The following SORCS3 variants were observed in gnomAD, a reference collection of about 807,000 sequenced individuals.
The protein encoded by SORCS3 is sortilin related VPS10 domain containing receptor 3.
Under a neutral mutation model 146.3 loss-of-function variants are expected in SORCS3, and 57 were observed. The ratio of observed to expected loss-of-function variants is 0.39; its 90% confidence interval spans 0.31 to 0.49. The LOEUF (loss-of-function observed/expected upper bound fraction) is 0.49. SORCS3 is among the 20% of genes least tolerant of loss of function. The pLI is 0.92. For synonymous variants in SORCS3, 653 were observed against 618.5 expected (o/e 1.06, Z -0.83); for missense variants, 1,341 against 1,575.5 (o/e 0.85, Z 2.52).
chr10:105,001,600 T>C (rs183077760), intron 4 of SORCS3, among the ~76,000 whole-genome samples: 19 of 152,300 alleles, frequency 1.2e-4, no homozygotes, highest in Admixed American at 1.2e-3. Context: ...TGGGGTCAGG[T>C]TCAGCTTCAT....
intron 1 of SORCS3, among the ~76,000 whole-genome samples, chr10:104,768,216 G>A (rs886635269): frequency 2.0e-5 from 3 of 152,186 alleles, no homozygotes; most frequent in Non-Finnish European, 4.4e-5. Flanking sequence ...CATAGGGAAG[G>A]CACCATGAAT....
intron 3 of SORCS3, among the ~76,000 whole-genome samples, chr10:104,973,855 A>G (rs937954257): frequency 1.2e-4 from 18 of 147,242 alleles, no homozygotes; most frequent in African/African-American, 4.7e-4. Flanking sequence ...TTCCCTCTAC[A>G]CACTGCTTTG....
chr10:105,123,000 A>G (rs1168772641), intron 7 of SORCS3, among the ~76,000 whole-genome samples: 1 of 152,232 alleles, frequency 6.6e-6, no homozygotes, highest in African/African-American at 2.4e-5. Flanking sequence ...CCTGAAGCTC[A>G]GTTTCCTTGT....
At chr10:105,136,918 C>T (rs2056062729) in intron 7 of SORCS3, among the ~76,000 whole-genome samples, 1 of 152,146 alleles carries the variant, frequency 6.6e-6, no homozygotes, top group African/African-American at 2.4e-5. Flanking sequence ...TACTCAAGCA[C>T]AAACTTTCCT....
chr10:105,058,824 A>C (rs2055463450), intron 5 of SORCS3, among the ~76,000 whole-genome samples: 1 of 152,236 alleles, frequency 6.6e-6, no homozygotes, highest in South Asian at 2.1e-4. Context: ...TAGAAGGAAT[A>C]AATGCAATGT....
intron 2 of SORCS3, among the ~76,000 whole-genome samples, chr10:104,844,738 A>T (rs191580711): frequency 2.0e-5 from 3 of 152,260 alleles, no homozygotes; most frequent in Admixed American, 2.0e-4. Flanking sequence ...CTTCTCTCAC[A>T]GTTCTGGAGC....
Position 104,943,463 on chromosome 10 carries a change from A to G in SORCS3, c.795+27531A>G, listed in dbSNP as rs567093969. On this transcript the variant is annotated intron_variant, in intron 3 of 26. Transcript: ENST00000369701. ...AGTTCTATGTATAATAGCATCAAGT[A>G]ATATGTGATAAATATGTTAATAATA... 3.9e-4 allele frequency among the ~76,000 whole-genome samples: 60 copies of G among 152,338 alleles called. 1 individual carries two copies. Among genetic ancestry groups the G allele is most frequent in the Admixed American group, 1.0e-3 (16 of 15,302 alleles).
Position 105,176,786 on chromosome 10 carries a change from C to T in SORCS3, c.1902-1280C>T, listed in dbSNP as rs146005088. ...AGGAGAATCACTTGAACCTGGGAGG[C>T]GGAGGTTGCAGTGAGCCGAGATCGT... On this transcript the variant is annotated intron_variant, in intron 13 of 26. Transcript: ENST00000369701. 3.3e-5 allele frequency among the ~76,000 whole-genome samples: 5 copies of T among 151,832 alleles called. No homozygotes were observed. In the East Asian group the frequency reaches 9.7e-4, roughly 30 times the overall value.
At chr10:104,983,162 G>A (rs1393205710) in intron 4 of SORCS3, among the ~76,000 whole-genome samples, 1 of 152,048 alleles carries the variant, frequency 6.6e-6, no homozygotes, top group African/African-American at 2.4e-5. Context: ...ACCAGACCCG[G>A]CTAATTTTTA....
intron 3 of SORCS3, among the ~76,000 whole-genome samples, chr10:104,976,749 G>A (rs956990994): frequency 2.0e-5 from 3 of 152,224 alleles, no homozygotes; most frequent in African/African-American, 7.2e-5. Flanking sequence ...ATGAGTTCAT[G>A]TCCTTTGTAG....
rs540839914 is a variant in SORCS3, at chr10:104,733,190, G to A, written c.627+91236G>A. 1.4e-3 allele frequency among the ~76,000 whole-genome samples: 209 copies of A among 152,116 alleles called. 2 individuals are homozygous for A. The highest frequency in any genetic ancestry group is 4.7e-3 in the African/African-American group (195 of 41,484). ...CTGATGCCCCCAGGAGCCCTGAGAA[G>A]TGGGGAAGGCATGTACTACTCTCCC... On this transcript the variant is annotated intron_variant, in intron 1 of 26. Transcript: ENST00000369701.
chr10:105,175,460 C>T (rs575773917), intron 13 of SORCS3, among the ~76,000 whole-genome samples: 43 of 152,234 alleles, frequency 2.8e-4, no homozygotes, highest in African/African-American at 9.9e-4. Context: ...TACCCAAAGT[C>T]GCCAAAACAA....
chr10:104,721,175 A>G (rs1326163844), intron 1 of SORCS3, among the ~76,000 whole-genome samples: 1 of 152,228 alleles, frequency 6.6e-6, no homozygotes. Context: ...GAAGGGATCC[A>G]GTTTCAGCTT....
At chr10:104,812,413 C>T (rs2017751174) in intron 1 of SORCS3, among the ~76,000 whole-genome samples, 1 of 152,196 alleles carries the variant, frequency 6.6e-6, no homozygotes, top group African/African-American at 2.4e-5. Context: ...AAACTGAGAC[C>T]TAGCTTTTGT....
At chr10:105,013,974 GACACACAGAC>G (rs2055149392) in intron 4 of SORCS3, among the ~76,000 whole-genome samples, 2 of 112,450 alleles carry the variant, frequency 1.8e-5, no homozygotes, top group African/African-American at 4.3e-5. Flanking sequence ...TAGACACACA[GACACACAGAC>G]ACACACACAC....
In SORCS3 at chr10:104,852,760, C is replaced by G. The variant is rs553143831; in HGVS notation, c.695+9901C>G. On this transcript the variant is annotated intron_variant, in intron 2 of 26. Coordinates refer to ENST00000369701, the MANE Select transcript of SORCS3 (RefSeq NM_014978.3). The stretch of plus-strand genomic sequence containing the variant: ...ATTCATGCAGAAATCCATAGTTGCT[C>G]CCTCCTCTTTATAATGACGACCATA... Among the ~76,000 whole-genome samples, 16 of 152,284 alleles carry G rather than the reference C, an allele frequency of 1.1e-4. No individual in the cohort carries two copies. In the East Asian group the frequency reaches 2.9e-3, roughly 28 times the overall value.
intron 8 of SORCS3, among the ~76,000 whole-genome samples, chr10:105,140,699 C>T (rs368456045): frequency 1.1e-4 from 16 of 152,242 alleles, no homozygotes; most frequent in East Asian, 1.9e-4. Flanking sequence ...GAGACAGCAC[C>T]GTTCATTCAA....
At chr10:105,129,293 T>G (rs2055998631) in intron 7 of SORCS3, among the ~76,000 whole-genome samples, 1 of 150,510 alleles carries the variant, frequency 6.6e-6, no homozygotes, top group Non-Finnish European at 1.5e-5. Flanking sequence ...TAACCTCCTC[T>G]CAGCTCCATT....
intron 7 of SORCS3, among the ~76,000 whole-genome samples, chr10:105,134,163 G>A (rs968301061): frequency 1.3e-5 from 2 of 152,160 alleles, no homozygotes; most frequent in African/African-American, 4.8e-5. Flanking sequence ...AGAAGGAGGA[G>A]CACAGGCTTA....
Sources: gnomAD v4.1 joint callset for allele counts (sites outside exome capture counted in the v4.1 genomes callset) on GRCh38, gnomAD v4.1.1 for gene constraint, MANE v1.5 for transcripts, NCBI Gene and HGNC (gene_info 2026-07-23, HGNC 2026-07-21) for gene names.